Variants in SBK1 observed in about 807,000 individuals in gnomAD.
SBK1 encodes serine/threonine-protein kinase SBK1.
A neutral mutation model predicts 24.4 loss-of-function variants in SBK1; 11 were observed. The ratio of observed to expected loss-of-function variants is 0.45; its 90% CI spans 0.28 to 0.75. The LOEUF (loss-of-function observed/expected upper bound fraction) is 0.75, where lower values mean the gene tolerates loss of function less well. SBK1 is among the 30% of genes least tolerant of loss of function. The pLI is 0.12. For missense variants in SBK1, 467 were observed against 620.5 expected, an observed-to-expected ratio of 0.75 and a Z score of 2.63; for synonymous variants, 308 against 284.4, an observed-to-expected ratio of 1.08 and a Z score of -0.83.
chr16:28,280,296 TGC>T (rs2044525657), intron 1 of SBK1, among the ~76,000 whole-genome samples: 1 of 142,852 alleles, frequency 7.0e-6, no homozygotes, highest in African/African-American at 2.5e-5. Context: ...TACATATATA[TGC>T]ACATATATGT....
intron 1 of SBK1, among the ~76,000 whole-genome samples, chr16:28,302,965 G>A (rs78305373): frequency 6.6e-6 from 1 of 151,976 alleles, no homozygotes; most frequent in Admixed American, 6.6e-5. Context: ...AGGGCATGGG[G>A]GGGGGTCAGG....
intron 1 of SBK1, among the ~76,000 whole-genome samples, chr16:28,271,493 G>C (rs185112208): frequency 1.3e-5 from 2 of 152,252 alleles, no homozygotes; most frequent in Middle Eastern, 6.8e-3. Flanking sequence ...GGAGGCGGAG[G>C]TTGCAGTGAG....
intron 1 of SBK1, among the ~76,000 whole-genome samples, chr16:28,308,334 A>G (rs767572869): frequency 6.7e-6 from 1 of 148,930 alleles, no homozygotes; most frequent in South Asian, 2.3e-4. Flanking sequence ...CATTTTTAGT[A>G]GAGATGGGGT....
At chr16:28,292,505 T>C, upstream of SBK1, 5 of 961,134 alleles carry the variant, frequency 5.2e-6, no homozygotes, top group Non-Finnish European at 4.9e-6. Flanking sequence ...AGGTGCGCGC[T>C]GGCTGGAGGG....
chr16:28,268,208 T>A (rs2044442269), intron 1 of SBK1, among the ~76,000 whole-genome samples: 1 of 152,106 alleles, frequency 6.6e-6, no homozygotes, highest in African/African-American at 2.4e-5. Context: ...TTCTTAAATA[T>A]CTAAATATAG....
chr16:28,285,489 A>C (rs568917335), intron 1 of SBK1: 2 of 152,340 alleles, frequency 1.3e-5, no homozygotes, highest in South Asian at 4.1e-4. Context: ...CAGGAGGCAG[A>C]GATTGCAGTG....
rs2044610861 is a variant in SBK1 at position 28,292,854 on chromosome 16, C to T, written c.-454C>T. The T allele has an allele frequency of 1.0e-6, 1 of 984,436 alleles. No individual in the cohort carries two copies. The highest frequency in any genetic ancestry group is 1.7e-5 in the African/African-American group (1 of 57,202). The allele number at this position is 984,436 out of a possible 1,614,324, so 61.0% of individuals were successfully genotyped here. A position where few individuals can be genotyped will look rare whatever the true frequency, so the allele number is the denominator to read the frequency against. On this transcript the variant is annotated 5_prime_UTR_variant, in exon 1 of 4. Transcript: ENST00000341901. ...CCTGCGGGGAAAGCGGAGACTTCCT[C>T]GGTATTTAGAAGACAGCAAGCCCCC...
intron 1 of SBK1, among the ~76,000 whole-genome samples, chr16:28,300,791 G>A (rs1464573402): frequency 6.6e-6 from 1 of 152,170 alleles, no homozygotes; most frequent in Non-Finnish European, 1.5e-5. Flanking sequence ...ACCCTAAACT[G>A]CACTGTTATT....
intron 1 of SBK1, among the ~76,000 whole-genome samples, chr16:28,281,352 G>A (rs1381117993): frequency 3.3e-5 from 5 of 152,132 alleles, no homozygotes; most frequent in African/African-American, 1.2e-4. Context: ...CTCAGCCTGG[G>A]ATTGGAGCCA....
Position 28,323,784 on chromosome 16 carries a change from A to T in SBK1, c.*2863A>T, listed in dbSNP as rs1387199543. Reference sequence around the variant, plus strand: ...TCCTTTGGCCCTGAGAAGGTTTTTAAATGTGTTATTTACTTCTCTAAACAT... The same window carrying T: ...TCCTTTGGCCCTGAGAAGGTTTTTATATGTGTTATTTACTTCTCTAAACAT... On this transcript the variant is annotated 3_prime_UTR_variant, in exon 4 of 4. Coordinates refer to ENST00000341901, the MANE Select transcript of SBK1 (RefSeq NM_001024401.3). 1 of 152,602 alleles carries T rather than the reference A, an allele frequency of 6.6e-6. No homozygotes were observed. The highest frequency in any genetic ancestry group is 2.4e-5 in the African/African-American group (1 of 41,432). 9.5% of individuals were successfully genotyped at this position (152,602 alleles called of 1,614,324 possible).
At chr16:28,261,322 T>C (rs1263386521) in intron 1 of SBK1, among the ~76,000 whole-genome samples, 1 of 152,082 alleles carries the variant, frequency 6.6e-6, no homozygotes, top group East Asian at 1.9e-4. Context: ...AGGCGGGGTG[T>C]GGTGGTTCAC....
rs71380914 is a variant in SBK1 at position 28,280,149 on chromosome 16, ATG to A, written c.257+20669_257+20670del. 3.7e-3 allele frequency among the ~76,000 whole-genome samples: 147 copies of A among 39,392 alleles called. 3 individuals are homozygous for A. The highest frequency in any genetic ancestry group is 7.8e-3 in the African/African-American group (95 of 12,138). The allele number at this position is 39,392 out of a possible 152,430, so 25.8% of individuals were successfully genotyped here. A position where few individuals can be genotyped will look rare whatever the true frequency, so the allele number is the denominator to read the frequency against. On this transcript the variant is annotated intron_variant, in intron 1 of 3. Coordinates refer to the SBK1 transcript ENST00000671413. The stretch of plus-strand genomic sequence containing the variant: ...TATATATATATATATATATATATAT[ATG>A]TGTGTGTGTGTGTGTGTGTGTATGT...
At chr16:28,287,430 C>T (rs1396142158) in intron 1 of SBK1, among the ~76,000 whole-genome samples, 1 of 128,412 alleles carries the variant, frequency 7.8e-6, no homozygotes, top group Non-Finnish European at 1.6e-5. Flanking sequence ...GCCTGGGTGA[C>T]AGAGCAAGAC....
rs1029809838 is a variant in SBK1, at chr16:28,320,792, A to T, written c.1146A>T (p.Pro382=). ...CCTTGCCCGTGCCGGTGCCGGTGCC[A>T]GTGCCCGTGCCGGTGCCTGTGCCCG... ...SVPLPVPVPV[P]VPVPVPVPEP... The change falls in exon 4 of 4, where the codon CCA becomes CCT. Residue 382 remains proline (P), a synonymous_variant. Transcript: ENST00000341901. This position sits in a 1 kb window ranked among gnomAD's most constrained non-coding sequence, Gnocchi z 8.5. 5.6e-6 allele frequency: 8 copies of T among 1,420,248 alleles called. No individual in the cohort carries two copies. The highest frequency in any genetic ancestry group is 2.4e-5 in the Admixed American group (1 of 41,676). The allele number at this position is 1,420,248 out of a possible 1,614,324, so 88.0% of individuals were successfully genotyped here.
At chr16:28,316,016 C>G (rs573850465) in intron 1 of SBK1, among the ~76,000 whole-genome samples, 136 of 152,268 alleles carry the variant, frequency 8.9e-4, no homozygotes, top group Middle Eastern at 3.4e-3. Context: ...TCCGCCCACT[C>G]AGCCTCCCAA....
chr16:28,280,149 ATGTGTGTGTGTGTGTGTGTGTG>A (rs71380914), intron 1 of SBK1, among the ~76,000 whole-genome samples: 32 of 39,382 alleles, frequency 8.1e-4, no homozygotes, highest in Admixed American at 1.5e-3. Flanking sequence ...ATATATATAT[ATGTGTGTGTGTGTGTGTGTGTG>A]TATGTATATA....
Position 28,259,434 on chromosome 16 carries a change from G to A in SBK1, c.189G>A (p.Pro63=), listed in dbSNP as rs769669752. ...TGGGCTGCGGAGTCGATGATGTGCCGGCCTTCTGCTTCGTCTGCTTCCACA... is the reference window on the plus strand; with the variant it reads ...TGGGCTGCGGAGTCGATGATGTGCCAGCCTTCTGCTTCGTCTGCTTCCACA... Residue 63 remains proline, a synonymous_variant, in exon 1 of 4, where the codon CCG becomes CCA. Transcript: ENST00000671413. The surrounding 1 kb of genome is among the most constrained non-coding windows in gnomAD (Gnocchi z 6.0). The A allele has an allele frequency of 2.1e-4, 204 of 985,980 alleles. No homozygotes were observed. The highest frequency in any genetic ancestry group is 3.0e-4 in the African/African-American group (17 of 57,356). 61.1% of individuals were successfully genotyped at this position (985,980 alleles called of 1,614,324 possible). A position where few individuals can be genotyped will look rare whatever the true frequency, so the allele number is the denominator to read the frequency against.
chr16:28,291,149 C>G (rs1271503790), upstream of SBK1: 1 of 152,084 alleles, frequency 6.6e-6, no homozygotes, highest in Non-Finnish European at 1.5e-5. Flanking sequence ...ACAGCCTGAT[C>G]AAAAACTTAG....
chr16:28,274,685 T>G (rs1320534413), intron 1 of SBK1, among the ~76,000 whole-genome samples: 1 of 151,964 alleles, frequency 6.6e-6, no homozygotes, highest in Non-Finnish European at 1.5e-5. Context: ...TGCTCAATTG[T>G]TCTGTAAGCC....
Sources: allele counts gnomAD v4.1 joint callset (sites outside exome capture counted in the v4.1 genomes callset), GRCh38; gene constraint gnomAD v4.1.1; non-coding constraint Gnocchi (gnomAD v3.1); transcripts MANE v1.5; gene names NCBI Gene and HGNC (gene_info 2026-07-23, HGNC 2026-07-21).